The following CAPN14 variants were observed in gnomAD, a reference collection of about 807,000 sequenced individuals.
CAPN14 encodes calpain-14.
CAPN14 carries 94 observed loss-of-function variants against 101.3 expected under a neutral mutation model. That is an observed-to-expected ratio of 0.93 (90% confidence interval 0.79 to 1.10). The LOEUF is 1.10. Among genes scored for constraint, CAPN14 ranks in the 50% least tolerant of loss-of-function variants. CAPN14 has a pLI of 0.00. For synonymous variants in CAPN14, 338 were observed against 317.9 expected (o/e 1.06, Z -0.67); for missense variants, 837 against 828.4 (o/e 1.01, Z -0.13).
intron 21 of CAPN14, among the ~76,000 whole-genome samples, chr2:31,176,044 A>C (rs1249901034): frequency 6.6e-6 from 1 of 152,236 alleles, no homozygotes; most frequent in Non-Finnish European, 1.5e-5. Context: ...AGAGGAGGAA[A>C]TGGGCTTGGC....
intron 21 of CAPN14, 71 bp from the exon 22 acceptor site, chr2:31,174,778 C>T: frequency 7.7e-6 from 11 of 1,421,432 alleles, no homozygotes; most frequent in South Asian, 1.2e-5. Context: ...CCATCCCACA[C>T]TCCTGGGGAG....
intron 1 of CAPN14, among the ~76,000 whole-genome samples, chr2:31,229,040 T>A (rs577126469): frequency 5.3e-5 from 8 of 152,324 alleles, no homozygotes; most frequent in African/African-American, 1.9e-4. Flanking sequence ...CCAGGGGCAT[T>A]ACATGCAGCA....
At chr2:31,208,067 T>A (rs1291514297) in intron 1 of CAPN14, among the ~76,000 whole-genome samples, 1 of 152,120 alleles carries the variant, frequency 6.6e-6, no homozygotes. Flanking sequence ...TTGTCACGGG[T>A]GCCTGTGTAC....
chr2:31,176,753 G>T, intron 20 of CAPN14, 111 bp from the exon 21 acceptor site: 1 of 1,015,520 alleles, frequency 9.8e-7, no homozygotes, highest in Non-Finnish European at 1.5e-6. Flanking sequence ...AAACGTGAGG[G>T]AACCCAGTGT....
chr2:31,227,403 T>C (rs532546925), intron 1 of CAPN14, among the ~76,000 whole-genome samples: 8 of 152,362 alleles, frequency 5.3e-5, no homozygotes, highest in Non-Finnish European at 4.4e-5. Context: ...ACAGACCCTC[T>C]TTCTTCATCT....
At chr2:31,181,398 T>TTTTCTTTCTTTCTTTCTC (rs1680596760) in intron 16 of CAPN14, among the ~76,000 whole-genome samples, 1 of 134,980 alleles carries the variant, frequency 7.4e-6, no homozygotes. Context: ...TTCTTTCTTT[T>TTTTCTTTCTTTCTTTCTC]TTTCTTTCTT....
At chr2:31,181,030 G>C in intron 16 of CAPN14, 30 bp from the exon 17 acceptor site, 1 of 1,546,652 alleles carries the variant, frequency 6.5e-7, no homozygotes, top group Non-Finnish European at 8.8e-7. Flanking sequence ...TCCACATGGG[G>C]GCTGGCCCCA....
chr2:31,197,131 A>C, intron 8 of CAPN14, 118 bp downstream of exon 8: 1 of 660,492 alleles, frequency 1.5e-6, no homozygotes, highest in Non-Finnish European at 2.7e-6. Flanking sequence ...CCCCGTCTAA[A>C]GGCTTCCTGA....
At chr2:31,219,311 C>T (rs1682790769), upstream of CAPN14, among the ~76,000 whole-genome samples, 1 of 152,190 alleles carries the variant, frequency 6.6e-6, no homozygotes, top group African/African-American at 2.4e-5. Flanking sequence ...CACAGCAGCA[C>T]TGTGGCCTTT....
chr2:31,188,842 T>C (rs7595928), intron 13 of CAPN14, among the ~76,000 whole-genome samples: 44,479 of 151,954 alleles, frequency 0.29, 8,265 homozygotes, highest in African/African-American at 0.52. Flanking sequence ...ATGCATCTTA[T>C]AATAGTCACC....
chr2:31,207,215 C>G (rs1221295136), intron 1 of CAPN14, among the ~76,000 whole-genome samples: 1 of 152,138 alleles, frequency 6.6e-6, no homozygotes, highest in East Asian at 1.9e-4. Flanking sequence ...TTGTCAAGGT[C>G]CTGCCCATCC....
intron 15 of CAPN14, 64 bp downstream of exon 15, chr2:31,187,694 A>G: frequency 7.1e-7 from 1 of 1,403,836 alleles, no homozygotes; most frequent in South Asian, 1.3e-5. Context: ...TATACTTTAT[A>G]AAATGAGAAG....
At chr2:31,191,825 G>A (rs1681196361) in intron 11 of CAPN14, 110 bp downstream of exon 11, 1 of 1,105,742 alleles carries the variant, frequency 9.0e-7, no homozygotes, top group Non-Finnish European at 1.3e-6. Context: ...GAAAACCCAG[G>A]TCTGTGAACA....
At chr2:31,203,031 G>A in intron 3 of CAPN14, 39 bp downstream of exon 3, 2 of 1,512,578 alleles carry the variant, frequency 1.3e-6, no homozygotes, top group South Asian at 1.2e-5. Flanking sequence ...TGGTCAGCAG[G>A]CAGCCTAGTG....
chr2:31,198,307 A>C (rs938863511), intron 7 of CAPN14, among the ~76,000 whole-genome samples: 1 of 151,958 alleles, frequency 6.6e-6, no homozygotes, highest in Non-Finnish European at 1.5e-5. Flanking sequence ...TTCATCTTAC[A>C]TATGTTGATT....
intron 13 of CAPN14, 125 bp downstream of exon 13, chr2:31,189,148 G>C (rs1288727018): frequency 1.8e-5 from 15 of 824,412 alleles, no homozygotes; most frequent in Non-Finnish European, 2.8e-5. Flanking sequence ...CTGGTCTCCT[G>C]CTCTCCCCAT....
At chr2:31,221,288 G>T (rs758503295), upstream of CAPN14, among the ~76,000 whole-genome samples, 5 of 152,194 alleles carry the variant, frequency 3.3e-5, no homozygotes, top group Admixed American at 6.5e-5. Flanking sequence ...GATTGACAAG[G>T]ACTGCTCTGT....
At chr2:31,205,162 C>G in intron 2 of CAPN14, 61 bp downstream of exon 2, 1 of 1,402,244 alleles carries the variant, frequency 7.1e-7, no homozygotes, top group Non-Finnish European at 9.9e-7. Context: ...ATCTTAGGCG[C>G]AGTATCTGAA....
chr2:31,221,374 T>C (rs1001520694), upstream of CAPN14, among the ~76,000 whole-genome samples: 1 of 152,192 alleles, frequency 6.6e-6, no homozygotes, highest in African/African-American at 2.4e-5. Flanking sequence ...ATGTTTCTTA[T>C]TTTCTGCCTC....
Sources: gnomAD v4.1 joint callset for allele counts (sites outside exome capture counted in the v4.1 genomes callset) on GRCh38, gnomAD v4.1.1 for gene constraint, MANE v1.5 for transcripts, NCBI Gene and HGNC (gene_info 2026-07-23, HGNC 2026-07-21) for gene names.